The following ZNF438 variants were observed in gnomAD, a reference collection of about 807,000 sequenced individuals.
ZNF438 encodes zinc finger protein 438.
Under a neutral mutation model 38.0 loss-of-function variants are expected in ZNF438, and 25 were observed. That is an observed-to-expected ratio of 0.66 (90% CI 0.48 to 0.92). ZNF438 has a LOEUF of 0.92. Among genes scored for constraint, ZNF438 ranks in the 40% least tolerant of loss-of-function variants. The pLI is 0.00. For missense variants in ZNF438, 1,007 were observed against 999.6 expected (o/e 1.01, Z -0.10); for synonymous variants, 372 against 364.1 (o/e 1.02, Z -0.25).
At chr10:30,872,102 A>G (rs539357538) in intron 4 of ZNF438, among the ~76,000 whole-genome samples, 1 of 152,262 alleles carries the variant, frequency 6.6e-6, no homozygotes, top group Admixed American at 6.5e-5. Context: ...GTGACTAAGA[A>G]TTGAGAGACT....
chr10:30,894,922 G>T (rs1436447454), intron 3 of ZNF438, among the ~76,000 whole-genome samples: 3 of 152,156 alleles, frequency 2.0e-5, no homozygotes, highest in Non-Finnish European at 2.9e-5. Flanking sequence ...TAAAATTTAG[G>T]TTGGGATAAA....
At chr10:30,879,587 C>A (rs2038933681) in intron 3 of ZNF438, among the ~76,000 whole-genome samples, 1 of 152,116 alleles carries the variant, frequency 6.6e-6, no homozygotes, top group African/African-American at 2.4e-5. Context: ...AACTAGATTT[C>A]ATGTGCTCAA....
intron 2 of ZNF438, among the ~76,000 whole-genome samples, chr10:30,940,799 A>G (rs1345028479): frequency 6.6e-6 from 1 of 152,226 alleles, no homozygotes; most frequent in Non-Finnish European, 1.5e-5. Flanking sequence ...ATGACCTTTC[A>G]AAGATTTTTT....
chr10:30,876,916 T>C, intron 4 of ZNF438, 82 bp downstream of exon 5: 1 of 1,002,650 alleles, frequency 1.0e-6, no homozygotes, highest in Non-Finnish European at 1.4e-6. Context: ...AGTTACCTTA[T>C]GATTAGAGGT....
chr10:30,985,633 G>A (rs2052688367), intron 1 of ZNF438, among the ~76,000 whole-genome samples: 1 of 152,174 alleles, frequency 6.6e-6, no homozygotes, highest in African/African-American at 2.4e-5. Context: ...TGCTTTAATT[G>A]CTACTTAAAA....
intron 1 of ZNF438, among the ~76,000 whole-genome samples, chr10:30,984,102 A>G (rs1194634644): frequency 2.0e-5 from 3 of 152,168 alleles, no homozygotes; most frequent in Non-Finnish European, 4.4e-5. Flanking sequence ...GCTACATGCC[A>G]TACTTCTATG....
At chr10:31,030,372 G>C (rs1040304732) in intron 1 of ZNF438, among the ~76,000 whole-genome samples, 37 of 152,192 alleles carry the variant, frequency 2.4e-4, no homozygotes, top group Admixed American at 3.9e-4. Context: ...TAGGTTGGAG[G>C]CTGTCTTCTT....
chr10:30,849,336 A>T (rs751762304), exon 5 of ZNF438: 1 of 1,614,206 alleles, frequency 6.2e-7, no homozygotes, highest in Admixed American at 1.7e-5. Flanking sequence ...GCACTTTCAC[A>T]GGCACTCTGC....
At chr10:30,854,184 G>A (rs1218837411) in intron 4 of ZNF438, among the ~76,000 whole-genome samples, 3 of 152,152 alleles carry the variant, frequency 2.0e-5, no homozygotes, top group Admixed American at 6.5e-5. Context: ...GCTGGGCGTG[G>A]TGGTGGGCGC....
intron 1 of ZNF438, among the ~76,000 whole-genome samples, chr10:31,010,525 A>ATT: frequency 6.6e-6 from 1 of 152,224 alleles, no homozygotes; most frequent in Non-Finnish European, 1.5e-5. Flanking sequence ...CAAATGTTAC[A>ATT]TTCTAAACTA....
At chr10:30,949,893 G>A (rs1055876238) in intron 1 of ZNF438, among the ~76,000 whole-genome samples, 269 of 152,090 alleles carry the variant, frequency 1.8e-3, no homozygotes, top group African/African-American at 2.6e-3. Flanking sequence ...TGCACCAAGC[G>A]GACCTAATAG....
At chr10:30,920,088 T>G (rs955764033) in intron 2 of ZNF438, 16 of 152,278 alleles carry the variant, frequency 1.1e-4, no homozygotes, top group African/African-American at 3.9e-4. Flanking sequence ...CCTCTCCTTC[T>G]TCATTACTAA....
At chr10:30,992,556 G>A (rs1464791555) in intron 1 of ZNF438, among the ~76,000 whole-genome samples, 1 of 152,138 alleles carries the variant, frequency 6.6e-6, no homozygotes, top group Non-Finnish European at 1.5e-5. Context: ...GGGATTACAG[G>A]CATGCGCCAC....
At position 30,848,104 on chromosome 10, in the gene ZNF438, C is replaced by T. The variant is rs78575679; in HGVS notation, c.1874+427G>A. Among the ~76,000 whole-genome samples the T allele has an allele frequency of 6.2e-3, 945 of 152,234 alleles. 17 individuals are homozygous for T. Among genetic ancestry groups the T allele is most frequent in the South Asian group, 0.035 (169 of 4,824 alleles). ...GGAATGACACCAGAAAGAGTGAACCCGAACTGATGGGAAAAACAGGGCAAA... is the reference window on the plus strand; with the variant it reads ...GGAATGACACCAGAAAGAGTGAACCTGAACTGATGGGAAAAACAGGGCAAA... On this transcript the variant is annotated intron_variant, in intron 5 of 5. Coordinates refer to ENST00000413025, the Ensembl canonical transcript of ZNF438.
At chr10:30,895,578 T>C (rs531052674) in intron 3 of ZNF438, among the ~76,000 whole-genome samples, 10 of 152,264 alleles carry the variant, frequency 6.6e-5, no homozygotes, top group East Asian at 1.9e-4. Flanking sequence ...AGGCAACTTA[T>C]AGAATGAAAG....
intron 2 of ZNF438, 147 bp from the exon 4 acceptor site, chr10:30,909,162 T>C (rs1444862664): frequency 6.6e-6 from 1 of 152,222 alleles, no homozygotes; most frequent in Non-Finnish European, 1.5e-5. Context: ...ATTTGCCTTA[T>C]CAAACTGTGT....
At chr10:30,950,516 A>G (rs1293649354) in intron 1 of ZNF438, among the ~76,000 whole-genome samples, 1 of 151,944 alleles carries the variant, frequency 6.6e-6, no homozygotes, top group East Asian at 1.9e-4. Context: ...ACTAATAAAG[A>G]AAAAAAGAGA....
chr10:31,027,560 G>C (rs911073759), intron 1 of ZNF438, among the ~76,000 whole-genome samples: 1 of 152,082 alleles, frequency 6.6e-6, no homozygotes, highest in Non-Finnish European at 1.5e-5. Context: ...CACTGTGCCT[G>C]AACTTAAAAG....
chr10:30,944,099 T>C (rs1428849213), intron 1 of ZNF438, among the ~76,000 whole-genome samples: 1 of 151,934 alleles, frequency 6.6e-6, no homozygotes, highest in African/African-American at 2.4e-5. Flanking sequence ...AGCATAAGAG[T>C]AGGGCGTCAC....
Sources: allele counts gnomAD v4.1 joint callset (sites outside exome capture counted in the v4.1 genomes callset), GRCh38; gene constraint gnomAD v4.1.1; transcripts MANE v1.5; gene names NCBI Gene and HGNC (gene_info 2026-07-23, HGNC 2026-07-21).